MTURN: variants seen among roughly 807,000 people sequenced by gnomAD.
The protein encoded by MTURN is maturin.
A neutral mutation model predicts 14.9 loss-of-function variants in MTURN; 7 were observed. The ratio of observed to expected loss-of-function variants is 0.47; its 90% CI spans 0.27 to 0.88. The LOEUF (loss-of-function observed/expected upper bound fraction) is 0.88, where lower values mean the gene tolerates loss of function less well. Among genes scored for constraint, MTURN ranks in the 40% least tolerant of loss-of-function variants. MTURN has a pLI of 0.14. For missense variants in MTURN, 151 were observed against 174.1 expected, an observed-to-expected ratio of 0.87 and a Z score of 0.75; for synonymous variants, 69 against 72.5, an observed-to-expected ratio of 0.95 and a Z score of 0.25.
chr7:30,148,779 G>C (rs573320946), intron 2 of MTURN, among the ~76,000 whole-genome samples: 122 of 152,114 alleles, frequency 8.0e-4, no homozygotes, highest in African/African-American at 2.9e-3. Flanking sequence ...GGGGGCGGGT[G>C]GTGGGGAGTT....
At chr7:30,137,687 C>T (rs749004069) in intron 1 of MTURN, 5 of 471,072 alleles carry the variant, frequency 1.1e-5, no homozygotes, top group Admixed American at 2.3e-5. Flanking sequence ...GAATCTGTCC[C>T]AGGCCAGGTT....
At chr7:30,151,663 G>T (rs770045756) in intron 2 of MTURN, among the ~76,000 whole-genome samples, 1 of 152,094 alleles carries the variant, frequency 6.6e-6, no homozygotes, top group Non-Finnish European at 1.5e-5. Context: ...CCTTACCAAC[G>T]CTGTGGACAT....
Position 30,135,096 on chromosome 7 carries a change from C to A in MTURN, c.-41C>A. 2 of 1,386,084 alleles carry A rather than the reference C, an allele frequency of 1.4e-6. No individual in the cohort carries two copies. The highest frequency in any genetic ancestry group is 1.9e-6 in the Non-Finnish European group (2 of 1,053,972). 85.9% of individuals were successfully genotyped at this position (1,386,084 alleles called of 1,614,324 possible). A position where few individuals can be genotyped will look rare whatever the true frequency, so the allele number is the denominator to read the frequency against. The stretch of plus-strand genomic sequence containing the variant: ...CGCCCGGGAGGAGGGCGCCTAGGAG[C>A]GGGAGGGCGGGCGGCGGCGGGAGGC... On this transcript the variant is annotated 5_prime_UTR_variant, in exon 1 of 3. Transcript: ENST00000324453.
At chr7:30,148,166 T>G (rs561246604) in intron 2 of MTURN, among the ~76,000 whole-genome samples, 3 of 152,042 alleles carry the variant, frequency 2.0e-5, no homozygotes, top group Non-Finnish European at 4.4e-5. Context: ...AATTTTTGAG[T>G]AGGGAACCAG....
chr7:30,146,031 G>A, intron 1 of MTURN, 146 bp from the exon 2 acceptor site: 3 of 1,572,236 alleles, frequency 1.9e-6, no homozygotes, highest in Non-Finnish European at 2.6e-6. Flanking sequence ...AACAAATCAA[G>A]AACGCATGTA....
rs568442139 is a variant in MTURN, at chr7:30,135,099, G to A, written c.-38G>A. ...CCGGGAGGAGGGCGCCTAGGAGCGG[G>A]AGGGCGGGCGGCGGCGGGAGGCGGG... On this transcript the variant is annotated 5_prime_UTR_variant, in exon 1 of 3. Coordinates refer to ENST00000324453, the MANE Select transcript of MTURN (RefSeq NM_152793.3). The A allele has an allele frequency of 5.9e-5, 82 of 1,395,864 alleles. No homozygotes were observed. The East Asian group carries it at 2.2e-3, about 38-fold the overall frequency. 86.5% of individuals were successfully genotyped at this position (1,395,864 alleles called of 1,614,324 possible).
At chr7:30,145,469 G>A (rs187575640) in intron 1 of MTURN, among the ~76,000 whole-genome samples, 3 of 152,242 alleles carry the variant, frequency 2.0e-5, no homozygotes, top group African/African-American at 7.2e-5. Flanking sequence ...ACTCCAGCCT[G>A]GGCAACAGAG....
rs1380604501 is a variant in MTURN at position 30,137,625 on chromosome 7, G to A, written c.162+2327G>A. 6.4e-6 allele frequency: 3 copies of A among 471,164 alleles called. No individual in the cohort carries two copies. In the Admixed American group the frequency reaches 7.0e-5, roughly 11 times the overall value. 29.2% of individuals were successfully genotyped at this position (471,164 alleles called of 1,614,324 possible). Reference sequence around the variant, plus strand: ...AATGGAACTTTCTCCAAGTTCTGGAGGCTCTAATGGACAAGATGCCAACCT... The same window carrying A: ...AATGGAACTTTCTCCAAGTTCTGGAAGCTCTAATGGACAAGATGCCAACCT... On this transcript the variant is annotated intron_variant, in intron 1 of 2. Transcript: ENST00000324453.
chr7:30,142,794 T>C (rs1583504306), intron 1 of MTURN, among the ~76,000 whole-genome samples: 1 of 152,242 alleles, frequency 6.6e-6, no homozygotes, highest in African/African-American at 2.4e-5. Flanking sequence ...CTGCAGGCTG[T>C]TGACGCTCTG....
intron 1 of MTURN, among the ~76,000 whole-genome samples, chr7:30,144,960 T>G (rs563348910): frequency 2.9e-5 from 4 of 139,952 alleles, no homozygotes; most frequent in African/African-American, 1.1e-4. Flanking sequence ...TTTGCCAGTG[T>G]TTAGCCATCC....
intron 2 of MTURN, among the ~76,000 whole-genome samples, chr7:30,151,772 A>G (rs760678706): frequency 6.6e-6 from 1 of 152,084 alleles, no homozygotes; most frequent in Non-Finnish European, 1.5e-5. Flanking sequence ...TGGTCCTTGT[A>G]GATTCTCACT....
chr7:30,139,243 T>G (rs765434160), intron 1 of MTURN, among the ~76,000 whole-genome samples: 1 of 152,254 alleles, frequency 6.6e-6, no homozygotes, highest in Admixed American at 6.5e-5. Context: ...CCATCACTTA[T>G]GTTCAGTTTA....
chr7:30,154,611 G>A (rs1419434234), intron 2 of MTURN, among the ~76,000 whole-genome samples: 2 of 152,188 alleles, frequency 1.3e-5, no homozygotes, highest in Non-Finnish European at 2.9e-5. Flanking sequence ...GAAGGACATT[G>A]AGGGTCAGCA....
intron 1 of MTURN, among the ~76,000 whole-genome samples, chr7:30,135,849 C>T (rs1038139957): frequency 1.3e-5 from 2 of 152,256 alleles, no homozygotes; most frequent in African/African-American, 4.8e-5. Context: ...CGGGTTAGTC[C>T]TTGCACTGCC....
chr7:30,146,898 C>A (rs148751063), intron 2 of MTURN, among the ~76,000 whole-genome samples: 47 of 152,254 alleles, frequency 3.1e-4, no homozygotes, highest in African/African-American at 1.0e-3. Flanking sequence ...AAAATGAATG[C>A]TCACTTCTAT....
chr7:30,149,080 A>C (rs958364760), intron 2 of MTURN, among the ~76,000 whole-genome samples: 6 of 152,062 alleles, frequency 3.9e-5, no homozygotes, highest in African/African-American at 1.4e-4. Context: ...TCCAGCCGGG[A>C]GTCACTGTGC....
At chr7:30,138,633 G>A (rs528123738) in intron 1 of MTURN, among the ~76,000 whole-genome samples, 33 of 152,006 alleles carry the variant, frequency 2.2e-4, no homozygotes, top group African/African-American at 7.7e-4. Context: ...CAAAATGACT[G>A]CTTGGGGAGA....
In MTURN at chr7:30,157,349, T is replaced by C. The variant is rs544569775; in HGVS notation, c.286-89T>C. ...TCTGCAGCTGCTGGGTTAAGTACTCTTTAATGTGGATCCGATGCCTTTGGT... is the reference window on the plus strand; with the variant it reads ...TCTGCAGCTGCTGGGTTAAGTACTCCTTAATGTGGATCCGATGCCTTTGGT... On this transcript the variant is annotated intron_variant, in intron 2 of 2. Transcript: ENST00000324453. 6.5e-5 allele frequency: 74 copies of C among 1,138,680 alleles called. 1 individual carries two copies. The South Asian group carries it at 1.1e-3, about 17-fold the overall frequency. 70.5% of individuals were successfully genotyped at this position (1,138,680 alleles called of 1,614,324 possible). A position where few individuals can be genotyped will look rare whatever the true frequency, so the allele number is the denominator to read the frequency against.
rs1440806491 is a variant in MTURN, at chr7:30,158,359, A to G, written c.*811A>G. The G allele has an allele frequency of 6.6e-6, 1 of 152,664 alleles. No homozygotes were observed. Among genetic ancestry groups the G allele is most frequent in the African/African-American group, 2.4e-5 (1 of 41,464 alleles). The allele number at this position is 152,664 out of a possible 1,614,324, so 9.5% of individuals were successfully genotyped here. A position where few individuals can be genotyped will look rare whatever the true frequency, so the allele number is the denominator to read the frequency against. On this transcript the variant is annotated 3_prime_UTR_variant, in exon 3 of 3. Coordinates refer to ENST00000324453, the MANE Select transcript of MTURN (RefSeq NM_152793.3). ...TTTTACCTTCTCTCTTTCTAATGAG[A>G]TGGCCGCTTGTTAAATCATGAAAAC...
Sources: allele counts gnomAD v4.1 joint callset (sites outside exome capture counted in the v4.1 genomes callset), GRCh38; gene constraint gnomAD v4.1.1; transcripts MANE v1.5; gene names NCBI Gene and HGNC (gene_info 2026-07-23, HGNC 2026-07-21).